The following CNPY1 variants were observed in gnomAD, a reference collection of about 807,000 sequenced individuals.
The protein encoded by CNPY1 is protein canopy homolog 1.
CNPY1 carries 14 observed loss-of-function variants against 14.4 expected under a neutral mutation model. That is an observed-to-expected ratio of 0.97 (90% CI 0.64 to 1.52). CNPY1 has a LOEUF of 1.52. CNPY1 is among the 40% of genes most tolerant of loss of function. The pLI is 0.00. For synonymous variants in CNPY1, 43 were observed against 46.5 expected, an observed-to-expected ratio of 0.92 and a Z score of 0.31; for missense variants, 129 against 131.5, an observed-to-expected ratio of 0.98 and a Z score of 0.09.
chr7:155,543,214 C>T (rs1462601002), intron 2 of CNPY1, among the ~76,000 whole-genome samples: 2 of 152,208 alleles, frequency 1.3e-5, no homozygotes, highest in African/African-American at 4.8e-5. Context: ...GGGCTGGGAA[C>T]ACCTCTGGCT....
chr7:155,523,860 T>C (rs1414660148), intron 2 of CNPY1, among the ~76,000 whole-genome samples: 3 of 152,266 alleles, frequency 2.0e-5, no homozygotes, highest in Non-Finnish European at 1.5e-5. Flanking sequence ...ATGTGACTGA[T>C]GCCTTACCAG....
At chr7:155,508,824 A>G (rs1003126499) in intron 3 of CNPY1, 70 bp downstream of exon 3, 2 of 1,521,368 alleles carry the variant, frequency 1.3e-6, no homozygotes, top group African/African-American at 2.8e-5. Flanking sequence ...CAAGAGTAGA[A>G]AACAACAAAA....
At position 155,545,881 on chromosome 7, in the gene CNPY1, T is replaced by G; in HGVS notation, c.49A>C (p.Lys17Gln). 2.5e-6 allele frequency: 1 copy of G among 398,698 alleles called. No individual in the cohort carries two copies. The allele number at this position is 398,698 out of a possible 1,614,324, so 24.7% of individuals were successfully genotyped here. A position where few individuals can be genotyped will look rare whatever the true frequency, so the allele number is the denominator to read the frequency against. The change falls in exon 2 of 5, where the codon AAG (lysine) becomes CAG (glutamine). Residue 17 changes from lysine to glutamine, a missense_variant. Physicochemically the swap from Lys to Gln is moderately conservative, Grantham distance 53 (BLOSUM62 1). Coordinates refer to ENST00000636446, the MANE Select transcript of CNPY1 (RefSeq NM_001393663.1). ...DITKARQKKT[K>Q]VGSFRINPDG... ...GGATTGATTCGGAAGGATCCCACCT[T>G]GGTCTTCTTCTGCCGAGCCTTGGTG...
intron 2 of CNPY1, among the ~76,000 whole-genome samples, chr7:155,535,633 A>C: frequency 6.6e-6 from 1 of 152,282 alleles, no homozygotes; most frequent in East Asian, 1.9e-4. Flanking sequence ...CCTTGCCTAC[A>C]CACGAGGCCT....
At chr7:155,538,431 G>A (rs1446927157) in intron 2 of CNPY1, among the ~76,000 whole-genome samples, 3 of 152,300 alleles carry the variant, frequency 2.0e-5, no homozygotes, top group South Asian at 2.1e-4. Flanking sequence ...GCCTTCACCC[G>A]CGTGTGACCC....
rs115125278 is a variant in CNPY1 at position 155,520,821 on chromosome 7, T to G, written c.100-11724A>C. 1.8e-3 allele frequency among the ~76,000 whole-genome samples: 270 copies of G among 152,282 alleles called. 3 individuals carry two copies. The highest frequency in any genetic ancestry group is 6.2e-3 in the African/African-American group (256 of 41,554). On this transcript the variant is annotated intron_variant, in intron 2 of 4. Coordinates refer to ENST00000636446, the MANE Select transcript of CNPY1 (RefSeq NM_001393663.1). ...TTGAAAGAGGGTTATGTTTCTAAAT[T>G]TGGGGTATGAAACATTCCCCTTTGA... is the stretch of plus-strand genomic sequence containing the variant.
At chr7:155,529,027 C>T (rs1376201547) in intron 2 of CNPY1, among the ~76,000 whole-genome samples, 1 of 151,212 alleles carries the variant, frequency 6.6e-6, no homozygotes, top group East Asian at 2.0e-4. Flanking sequence ...CGCCACTGCA[C>T]TCCAGCCTGG....
At chr7:155,509,367 C>T (rs112028944) in intron 2 of CNPY1, among the ~76,000 whole-genome samples, 50 of 152,296 alleles carry the variant, frequency 3.3e-4, no homozygotes, top group Middle Eastern at 3.4e-3. Flanking sequence ...AAACTAGAAA[C>T]TATACCTCTA....
intron 2 of CNPY1, among the ~76,000 whole-genome samples, chr7:155,545,519 C>T (rs1016715058): frequency 1.3e-5 from 2 of 152,172 alleles, no homozygotes; most frequent in Admixed American, 6.5e-5. Context: ...GTCTCTAGGC[C>T]GCCCCTTTAG....
intron 2 of CNPY1, among the ~76,000 whole-genome samples, chr7:155,516,255 A>G (rs1406613420): frequency 1.3e-5 from 2 of 152,254 alleles, no homozygotes; most frequent in Non-Finnish European, 2.9e-5. Context: ...GGTATTCCCA[A>G]GAGTTCTGAA....
chr7:155,514,773 C>A (rs1037826296), intron 2 of CNPY1, among the ~76,000 whole-genome samples: 2 of 152,000 alleles, frequency 1.3e-5, no homozygotes, highest in Non-Finnish European at 2.9e-5. Context: ...GCATGCCTGT[C>A]ATCCCAGCTA....
intron 2 of CNPY1, among the ~76,000 whole-genome samples, chr7:155,525,163 A>T (rs1412117500): frequency 1.3e-5 from 2 of 152,064 alleles, no homozygotes; most frequent in Non-Finnish European, 2.9e-5. Context: ...AGGATAGTAT[A>T]GCATTTCATC....
chr7:155,509,528 G>C (rs114709886), intron 2 of CNPY1, among the ~76,000 whole-genome samples: 3,705 of 151,918 alleles, frequency 0.024, 135 homozygotes, highest in African/African-American at 0.083. Context: ...GAGAGACAGA[G>C]AGAGGGAGGG....
chr7:155,519,642 A>AG (rs1340911567), intron 2 of CNPY1, among the ~76,000 whole-genome samples: 1 of 152,322 alleles, frequency 6.6e-6, no homozygotes, highest in East Asian at 1.9e-4. Context: ...GTGGCAAAAA[A>AG]AAAGACTATT....
chr7:155,518,746 G>T (rs1272446503), intron 2 of CNPY1: 1 of 152,132 alleles, frequency 6.6e-6, no homozygotes, highest in African/African-American at 2.4e-5. Flanking sequence ...TGCATTTCTG[G>T]TCTTCTGCAG....
intron 2 of CNPY1, among the ~76,000 whole-genome samples, chr7:155,522,259 G>C (rs982534821): frequency 6.6e-6 from 1 of 152,252 alleles, no homozygotes; most frequent in Non-Finnish European, 1.5e-5. Flanking sequence ...TATCGCTACC[G>C]CATGTTGTAG....
At chr7:155,507,833 G>A (rs1796380922) in intron 3 of CNPY1, among the ~76,000 whole-genome samples, 1 of 152,140 alleles carries the variant, frequency 6.6e-6, no homozygotes, top group South Asian at 2.1e-4. Context: ...ATACTTTCGG[G>A]AGCTGTGAAG....
intron 2 of CNPY1, among the ~76,000 whole-genome samples, chr7:155,533,543 G>A (rs975786399): frequency 1.3e-5 from 2 of 152,214 alleles, no homozygotes; most frequent in Admixed American, 6.5e-5. Flanking sequence ...CACCCAGCGC[G>A]CGGGAAGCCC....
At chr7:155,516,053 A>G (rs1012391627) in intron 2 of CNPY1, among the ~76,000 whole-genome samples, 8 of 151,940 alleles carry the variant, frequency 5.3e-5, no homozygotes, top group African/African-American at 1.7e-4. Flanking sequence ...AAAGCATGAC[A>G]TGCACCCTGT....
Sources: allele counts gnomAD v4.1 joint callset (sites outside exome capture counted in the v4.1 genomes callset), GRCh38; gene constraint gnomAD v4.1.1; transcripts MANE v1.5; gene names NCBI Gene and HGNC (gene_info 2026-07-23, HGNC 2026-07-21).